The following COL5A2 variants were observed in gnomAD, a reference collection of about 807,000 sequenced individuals.
COL5A2 encodes collagen type V alpha 2 chain, also known as collagen alpha-2(V) chain.
COL5A2 carries 23 observed loss-of-function variants against 208.2 expected under a neutral mutation model. That is an observed-to-expected ratio of 0.11 (90% CI 0.08 to 0.16). The LOEUF (loss-of-function observed/expected upper bound fraction) is 0.16, where lower values mean the gene tolerates loss of function less well. Ranked by LOEUF, COL5A2 falls within the 10% of genes least tolerant of loss-of-function variation. COL5A2 has a pLI of 1.00. For missense variants in COL5A2, 1,590 were observed against 1,956.4 expected (o/e 0.81, Z 3.53); for synonymous variants, 625 against 628.5 (o/e 0.99, Z 0.08).
intron 1 of COL5A2, among the ~76,000 whole-genome samples, chr2:189,217,503 TTG>T (rs111881864): frequency 1.1e-4 from 16 of 150,936 alleles, no homozygotes; most frequent in Non-Finnish European, 2.1e-4. Flanking sequence ...TTAGTGAGAT[TTG>T]TGTGTGTGTG....
At chr2:189,132,281 CTT>C (rs568065770) in intron 1 of COL5A2, among the ~76,000 whole-genome samples, 25 of 152,206 alleles carry the variant, frequency 1.6e-4, no homozygotes, top group African/African-American at 5.8e-4. Flanking sequence ...GTACAGACAA[CTT>C]CAGAAAATCA....
At chr2:189,135,264 C>G (rs1049548918) in intron 1 of COL5A2, among the ~76,000 whole-genome samples, 97 of 152,274 alleles carry the variant, frequency 6.4e-4, no homozygotes, top group African/African-American at 2.3e-3. Context: ...TTACCTCAAC[C>G]CTATTAGCAA....
chr2:189,150,612 A>T (rs933301591), intron 1 of COL5A2, among the ~76,000 whole-genome samples: 1 of 152,190 alleles, frequency 6.6e-6, no homozygotes, highest in African/African-American at 2.4e-5. Context: ...ATTTCTTGAT[A>T]TAACCTCCTA....
the COL5A2 span, among the ~76,000 whole-genome samples, chr2:189,249,748 G>A: frequency 6.6e-6 from 1 of 152,332 alleles, no homozygotes; most frequent in East Asian, 1.9e-4. Flanking sequence ...TCAGGCTGGA[G>A]TGCAGTGGTG....
At position 189,098,034 on chromosome 2, in the gene COL5A2, T is replaced by C. The variant is rs368012303; in HGVS notation, c.402+693A>G. Among the ~76,000 whole-genome samples the C allele has an allele frequency of 6.1e-5, 7 of 114,846 alleles. No individual in the cohort carries two copies. The East Asian group carries it at 7.1e-4, about 12-fold the overall frequency. The allele number at this position is 114,846 out of a possible 152,430, so 75.3% of individuals were successfully genotyped here. A position where few individuals can be genotyped will look rare whatever the true frequency, so the allele number is the denominator to read the frequency against. On this transcript the variant is annotated intron_variant, in intron 5 of 53. Coordinates refer to ENST00000374866, the MANE Select transcript of COL5A2 (RefSeq NM_000393.5). The stretch of plus-strand genomic sequence containing the variant: ...ATTGTGCTGATATCTTAAAATGTTT[T>C]TCCCCCCCTGGGAAATGGCTGTTGC...
intron 1 of COL5A2, among the ~76,000 whole-genome samples, chr2:189,173,208 A>G (rs561512548): frequency 6.6e-6 from 1 of 152,064 alleles, no homozygotes; most frequent in Non-Finnish European, 1.5e-5. Flanking sequence ...TCCTGACCTC[A>G]GGTGATCCGC....
In COL5A2 at chr2:189,068,061, G is replaced by A. The variant is rs1252024342; in HGVS notation, c.1355C>T (p.Pro452Leu). ...AGGACCAGTGCTACCCTGAGGTCCTGGAGATCCAGGAGGCCCTGCTGAGCC... is the reference window on the plus strand; with the variant it reads ...AGGACCAGTGCTACCCTGAGGTCCTAGAGATCCAGGAGGCCCTGCTGAGCC... The part of the protein sequence containing the change: ...PPGSAGPPGS[P>L]GPQGSTGPQG... The change falls in exon 21 of 54, where the codon CCA (proline) becomes CTA (leucine). Residue 452 changes from proline to leucine, a missense_variant. Transcript: ENST00000374866. The A allele has an allele frequency of 6.2e-7, 1 of 1,613,974 alleles. No homozygotes were observed. The highest frequency in any genetic ancestry group is 8.5e-7 in the Non-Finnish European group (1 of 1,180,012).
chr2:189,114,962 T>C (rs1287071368), intron 1 of COL5A2, among the ~76,000 whole-genome samples: 1 of 152,108 alleles, frequency 6.6e-6, no homozygotes, highest in Non-Finnish European at 1.5e-5. Flanking sequence ...TTTTGCTGTT[T>C]ATGTTTAACT....
intron 1 of COL5A2, among the ~76,000 whole-genome samples, chr2:189,212,961 T>C (rs748483063): frequency 1.3e-5 from 2 of 151,828 alleles, no homozygotes; most frequent in African/African-American, 2.4e-5. Context: ...CGATCTGAGC[T>C]CAATGTAACC....
intron 1 of COL5A2, among the ~76,000 whole-genome samples, chr2:189,210,098 T>C (rs1454426321): frequency 6.6e-6 from 1 of 152,034 alleles, no homozygotes; most frequent in Non-Finnish European, 1.5e-5. Flanking sequence ...TCAGAAGAAA[T>C]ATATATTAAG....
chr2:189,051,385 G>C lies in COL5A2; in HGVS notation c.2866C>G (p.Arg956Gly). 6.2e-7 allele frequency: 1 copy of C among 1,613,976 alleles called. No individual in the cohort carries two copies. Among genetic ancestry groups the C allele is most frequent in the Non-Finnish European group, 8.5e-7 (1 of 1,179,956 alleles). Residue 956 changes from arginine (R) to glycine (G), a missense_variant, in exon 42 of 54, where the codon CGA (arginine) becomes GGA (glycine). Physicochemically the swap from Arg to Gly is moderately radical, Grantham distance 125 (BLOSUM62 -2). Transcript: ENST00000374866. Reference sequence around the variant, plus strand: ...CCACCAGGGGGGCCAGCTGGTCCTCGATCTCCCACACGCCCATGAGAGCCA... The same window carrying C: ...CCACCAGGGGGGCCAGCTGGTCCTCCATCTCCCACACGCCCATGAGAGCCA... ...DPGSHGRVGD[R>G]GPAGPPGGPG... is the part of the protein sequence containing the mutation.
At chr2:189,418,426 TCAGTGA>T in the COL5A2 span, among the ~76,000 whole-genome samples, 2 of 152,178 alleles carry the variant, frequency 1.3e-5, no homozygotes, top group African/African-American at 4.8e-5. Context: ...CTTTTCTAAC[TCAGTGA>T]CCATGACCTA....
the COL5A2 span, among the ~76,000 whole-genome samples, chr2:189,383,099 A>G: frequency 3.3e-5 from 5 of 152,126 alleles, no homozygotes; most frequent in South Asian, 6.2e-4. Context: ...TTTTACTAAC[A>G]TAAGTATGTC....
At chr2:189,382,336 TGACAGAGTAA>T in the COL5A2 span, among the ~76,000 whole-genome samples, 4 of 152,012 alleles carry the variant, frequency 2.6e-5, no homozygotes, top group Non-Finnish European at 4.4e-5. Context: ...CCAGCCTGGG[TGACAGAGTAA>T]GACCTTGTCT....
chr2:189,403,519 G>A, the COL5A2 span, among the ~76,000 whole-genome samples: 1 of 152,150 alleles, frequency 6.6e-6, no homozygotes, highest in Non-Finnish European at 1.5e-5. Flanking sequence ...AATGCTTTAA[G>A]CTTTTGCCCA....
At chr2:189,275,643 G>C in the COL5A2 span, among the ~76,000 whole-genome samples, 1 of 151,726 alleles carries the variant, frequency 6.6e-6, no homozygotes, top group Admixed American at 6.6e-5. Context: ...AGTAGAGACG[G>C]GCTTTCACCA....
the COL5A2 span, among the ~76,000 whole-genome samples, chr2:189,402,520 T>C: frequency 8.7e-4 from 133 of 152,324 alleles, no homozygotes; most frequent in Non-Finnish European, 1.6e-3. Flanking sequence ...GCCCGGCCTA[T>C]AGGTTTGTGT....
upstream of COL5A2, among the ~76,000 whole-genome samples, chr2:189,181,533 C>A (rs1193619756): frequency 1.3e-5 from 2 of 152,128 alleles, no homozygotes; most frequent in Non-Finnish European, 2.9e-5. Context: ...TTTCTCTGAG[C>A]TTGCCAGTCC....
At chr2:189,328,119 A>G in the COL5A2 span, among the ~76,000 whole-genome samples, 1 of 152,204 alleles carries the variant, frequency 6.6e-6, no homozygotes, top group African/African-American at 2.4e-5. Context: ...TATCCAACAA[A>G]GCTGGCATCC....
Sources: gnomAD v4.1 joint callset for allele counts (sites outside exome capture counted in the v4.1 genomes callset) on GRCh38, gnomAD v4.1.1 for gene constraint, MANE v1.5 for transcripts, NCBI Gene and HGNC (gene_info 2026-07-23, HGNC 2026-07-21) for gene names.